Variants in SEC24A observed in about 807,000 individuals in gnomAD.
SEC24A encodes the protein SEC24 homolog A, COPII component, also known as protein transport protein Sec24A.
In SEC24A, 93 loss-of-function variants were observed where a neutral mutation model predicts 129.4. The ratio of observed to expected loss-of-function variants is 0.72; its 90% CI spans 0.61 to 0.85. SEC24A has a LOEUF of 0.85. Among genes scored for constraint, SEC24A ranks in the 40% least tolerant of loss-of-function variants. The pLI, the probability that SEC24A is intolerant of heterozygous loss-of-function variation, is 0.00. For synonymous variants in SEC24A, 460 were observed against 467.3 expected (o/e 0.98, Z 0.20); for missense variants, 1,264 against 1,307.4 (o/e 0.97, Z 0.51).
At chr5:134,654,836 C>T (rs925136721) in intron 1 of SEC24A, among the ~76,000 whole-genome samples, 2 of 152,164 alleles carry the variant, frequency 1.3e-5, no homozygotes, top group African/African-American at 4.8e-5. Flanking sequence ...CCTGCTTCAG[C>T]CCCTGAAGTA....
In SEC24A at chr5:134,702,758, TTTGTTG is replaced by T. The variant is rs200426704; in HGVS notation, c.2267-986_2267-981del. 3.9e-5 allele frequency among the ~76,000 whole-genome samples: 6 copies of T among 152,088 alleles called. No homozygotes were observed. In the East Asian group the frequency reaches 5.8e-4, roughly 15 times the overall value. The stretch of plus-strand genomic sequence containing the variant: ...CAAATCACAGTTTAGTTTTTGTTTG[TTTGTTG>T]TTGTTGTTGTTGTTTTTTGAGACAG... On this transcript the variant is annotated intron_variant, in intron 15 of 22. Transcript: ENST00000398844.
chr5:134,703,525 C>T (rs1226329622), intron 15 of SEC24A, among the ~76,000 whole-genome samples: 1 of 152,178 alleles, frequency 6.6e-6, no homozygotes, highest in Non-Finnish European at 1.5e-5. Flanking sequence ...ACCTTGGCCT[C>T]CCAAAGTGCT....
At chr5:134,665,052 C>G (rs1307481635) in intron 2 of SEC24A, among the ~76,000 whole-genome samples, 2 of 151,710 alleles carry the variant, frequency 1.3e-5, no homozygotes, top group African/African-American at 4.8e-5. Context: ...CCTGTCTCAG[C>G]CTCCCAAAGT....
chr5:134,694,772 T>TCGCAC (rs1751767148), intron 13 of SEC24A, among the ~76,000 whole-genome samples: 1 of 144,196 alleles, frequency 6.9e-6, no homozygotes, highest in South Asian at 2.2e-4. Flanking sequence ...TGAGCCAAGA[T>TCGCAC]CGCACCATTG....
At chr5:134,660,052 T>C (rs572624522) in intron 1 of SEC24A, among the ~76,000 whole-genome samples, 2 of 152,150 alleles carry the variant, frequency 1.3e-5, no homozygotes, top group Non-Finnish European at 1.5e-5. Context: ...GGCACCTCTT[T>C]AGCGTATTAG....
At chr5:134,722,339 C>T (rs746571710) in intron 21 of SEC24A, among the ~76,000 whole-genome samples, 2 of 151,776 alleles carry the variant, frequency 1.3e-5, no homozygotes, top group Non-Finnish European at 2.9e-5. Context: ...GCGAGGTGGG[C>T]GAATGACCTG....
At position 134,674,752 on chromosome 5, in the gene SEC24A, A is replaced by G. The variant is rs762305266; in HGVS notation, c.955A>G (p.Ser319Gly). 5.0e-6 allele frequency: 8 copies of G among 1,613,622 alleles called. No homozygotes were observed. The Admixed American group carries it at 1.2e-4, about 24-fold the overall frequency. Residue 319 changes from serine (S) to glycine (G), a missense_variant, in exon 5 of 23, where the codon AGT (serine) becomes GGT (glycine). Transcript: ENST00000398844. Reference sequence around the variant, plus strand: ...ACCACCCTCTTCCTTGAATTACCCAAGTGGGCCACAAGCCTTTACTCAGGT... The same window carrying G: ...ACCACCCTCTTCCTTGAATTACCCAGGTGGGCCACAAGCCTTTACTCAGGT... ...GVPPSSLNYP[S>G]GPQAFTQTPL...
rs975643462 is a variant in SEC24A, at chr5:134,704,262, G to A, written c.2440+330G>A. ...TTTTTGTAATTTTAGTAGAGATGGA[G>A]TTTTGCCATGCTGGCCAGGATGGTG... On this transcript the variant is annotated intron_variant, in intron 16 of 22. Coordinates refer to ENST00000398844, the MANE Select transcript of SEC24A (RefSeq NM_021982.3). Among the ~76,000 whole-genome samples the A allele has an allele frequency of 3.3e-5, 5 of 151,984 alleles. No homozygotes were observed. The East Asian group carries it at 9.7e-4, about 29-fold the overall frequency.
rs772256229 is a variant in SEC24A, at chr5:134,703,803, A to G, written c.2311A>G (p.Thr771Ala). ...CCATGGAAACTTCTTTGTTAGGTCA[A>G]CCGACTTACTGTCTTTGCCTAACGT... is the stretch of plus-strand genomic sequence containing the variant. ...TFHGNFFVRS[T>A]DLLSLPNVNP... is the part of the protein sequence containing the mutation. The change falls in exon 16 of 23, where the codon ACC (threonine) becomes GCC (alanine). Residue 771 changes from threonine to alanine, a missense_variant. Thr to Ala is a moderately conservative substitution (Grantham distance 58, BLOSUM62 0). Coordinates refer to ENST00000398844, the MANE Select transcript of SEC24A (RefSeq NM_021982.3). The G allele has an allele frequency of 6.2e-6, 10 of 1,613,396 alleles. No individual in the cohort carries two copies. Among genetic ancestry groups the G allele is most frequent in the South Asian group, 2.2e-5 (2 of 91,034 alleles).
intron 2 of SEC24A, among the ~76,000 whole-genome samples, chr5:134,664,800 T>C (rs983688049): frequency 4.0e-5 from 5 of 125,296 alleles, no homozygotes; most frequent in Non-Finnish European, 7.9e-5. Flanking sequence ...TTCTTTTTTT[T>C]TTTTTTTTTT....
At chr5:134,679,906 ATTAT>A (rs1322580829) in intron 8 of SEC24A, among the ~76,000 whole-genome samples, 178 bp downstream of exon 8, 5 of 152,012 alleles carry the variant, frequency 3.3e-5, no homozygotes, top group East Asian at 1.9e-4. Flanking sequence ...AATAAATTTA[ATTAT>A]TTATTTTTTA....
In SEC24A at chr5:134,705,319, C is replaced by G; in HGVS notation, c.2441-8C>G. On this transcript the variant is annotated splice_region_variant and splice_polypyrimidine_tract_variant and intron_variant, in intron 16 of 22. Coordinates refer to ENST00000398844, the MANE Select transcript of SEC24A (RefSeq NM_021982.3). Reference sequence around the variant, plus strand: ...CCCCTCACTGTTGTTTGTGTATTTTCCCCAAAGGCGAAAGAAGAATTCGTG... The same window carrying G: ...CCCCTCACTGTTGTTTGTGTATTTTGCCCAAAGGCGAAAGAAGAATTCGTG... 6.2e-7 allele frequency: 1 copy of G among 1,602,894 alleles called. No individual in the cohort carries two copies. Among genetic ancestry groups the G allele is most frequent in the Non-Finnish European group, 8.5e-7 (1 of 1,170,526 alleles).
Position 134,660,113 on chromosome 5 carries a change from G to T in SEC24A, c.98-1006G>T, listed in dbSNP as rs576706771. Among the ~76,000 whole-genome samples, 5 of 151,630 alleles carry T rather than the reference G, an allele frequency of 3.3e-5. No individual in the cohort carries two copies. In the South Asian group the frequency reaches 1.0e-3, roughly 32 times the overall value. The stretch of plus-strand genomic sequence containing the variant: ...CTGTTTGCTCACGCCTGTAATCCTA[G>T]CGCTTATAGAGGCTGAGGCAGGAGG... On this transcript the variant is annotated intron_variant, in intron 1 of 22. Coordinates refer to ENST00000398844, the MANE Select transcript of SEC24A (RefSeq NM_021982.3).
rs1752235558 is a variant in SEC24A at position 134,708,737 on chromosome 5, G to A, written c.2576G>A (p.Ser859Asn). Residue 859 changes from serine to asparagine, a missense_variant, in exon 18 of 23, where the codon AGT becomes AAT. Transcript: ENST00000398844. The part of the protein sequence containing the change: ...NMAVDRSMTA[S>N]LSDARDALVN... ...GCTGTTGACAGATCTATGACTGCCA[G>A]TCTGAGTGACGCTCGGGATGCTCTA... 6.2e-7 allele frequency: 1 copy of A among 1,613,878 alleles called. No homozygotes were observed.
chr5:134,657,723 C>T (rs997605943), intron 1 of SEC24A, among the ~76,000 whole-genome samples: 12 of 152,022 alleles, frequency 7.9e-5, no homozygotes, highest in Admixed American at 4.6e-4. Flanking sequence ...AATATAGGCA[C>T]GTGCCACCAC....
intron 19 of SEC24A, 86 bp from the exon 20 acceptor site, chr5:134,717,983 A>G (rs1752526863): frequency 2.3e-6 from 2 of 883,420 alleles, no homozygotes; most frequent in Non-Finnish European, 1.9e-6. Context: ...TGTAGAGGTA[A>G]CATTCATTTA....
chr5:134,704,962 G>C (rs2150105584), intron 16 of SEC24A, among the ~76,000 whole-genome samples: 1 of 151,262 alleles, frequency 6.6e-6, no homozygotes, highest in Middle Eastern at 3.5e-3. Flanking sequence ...GGGATTACAG[G>C]TGTGAGCCAC....
intron 20 of SEC24A, 150 bp downstream of exon 20, chr5:134,718,323 G>A (rs1220831199): frequency 7.6e-6 from 4 of 528,854 alleles, no homozygotes; most frequent in Middle Eastern, 4.1e-4. Context: ...TGATGTGTAA[G>A]TCATGGCTTA....
chr5:134,705,069 T>TA (rs1491515628), intron 16 of SEC24A, among the ~76,000 whole-genome samples: 1,360 of 119,782 alleles, frequency 0.011, 14 homozygotes, highest in African/African-American at 0.031. Flanking sequence ...TATATTTATA[T>TA]TTATATATAT....
Sources: allele counts gnomAD v4.1 joint callset (sites outside exome capture counted in the v4.1 genomes callset), GRCh38; gene constraint gnomAD v4.1.1; transcripts MANE v1.5; gene names NCBI Gene and HGNC (gene_info 2026-07-23, HGNC 2026-07-21).